Variants in INA observed in about 807,000 individuals in gnomAD.
INA encodes internexin neuronal intermediate filament protein alpha.
Under a neutral mutation model 40.1 loss-of-function variants are expected in INA, and 35 were observed. The observed-to-expected ratio is 0.87, with a 90% CI of 0.67 to 1.16. The LOEUF is 1.16. Ranked by LOEUF, INA falls within the 50% of genes most tolerant of loss-of-function variation. The probability of loss-of-function intolerance (pLI) is 0.00; values close to 1 mark genes in which losing one functional copy is unlikely to be tolerated. For synonymous variants in INA, 290 were observed against 316.9 expected, an observed-to-expected ratio of 0.92 and a Z score of 0.90; for missense variants, 594 against 686.7, an observed-to-expected ratio of 0.87 and a Z score of 1.51.
At position 103,289,370 on chromosome 10, in the gene INA, C is replaced by A. The variant is rs1316154048; in HGVS notation, c.*701C>A. 1 of 152,572 alleles carries A rather than the reference C, an allele frequency of 6.6e-6. No homozygotes were observed. Among genetic ancestry groups the A allele is most frequent in the Non-Finnish European group, 1.5e-5 (1 of 68,028 alleles). 9.5% of individuals were successfully genotyped at this position (152,572 alleles called of 1,614,324 possible). On this transcript the variant is annotated 3_prime_UTR_variant, in exon 3 of 3. Transcript: ENST00000369849. ...TATCCCTGCCCATTTCATATTCTTT[C>A]AATTCTGTAGGTTAAAAAAATGGCA...
At position 103,277,885 on chromosome 10, in the gene INA, C is replaced by A; in HGVS notation, c.674C>A (p.Ala225Asp). Residue 225 changes from alanine to aspartate, a missense_variant, in exon 1 of 3, where the codon GCC becomes GAC. Ala to Asp is a moderately radical substitution (Grantham distance 126). Transcript: ENST00000369849. The surrounding 1 kb of genome is among the most constrained non-coding windows in gnomAD (Gnocchi z 5.6). ...KKVESLLDELAFVRQVHDEEV... is the reference protein window; with the variant it reads ...KKVESLLDELDFVRQVHDEEV... ...GTGGAGTCGCTGCTGGACGAGCTGG[C>A]CTTCGTACGCCAGGTGCACGACGAG... The A allele has an allele frequency of 2.6e-6, 4 of 1,550,122 alleles. No individual in the cohort carries two copies. Among genetic ancestry groups the A allele is most frequent in the Non-Finnish European group, 3.5e-6 (4 of 1,146,862 alleles).
intron 1 of INA, among the ~76,000 whole-genome samples, chr10:103,282,842 T>C (rs2093075596): frequency 6.6e-6 from 1 of 152,166 alleles, no homozygotes; most frequent in Non-Finnish European, 1.5e-5. Flanking sequence ...GGGTTGGTAA[T>C]AGTGAGGGCT....
Position 103,278,671 on chromosome 10 carries a change from T to C in INA, c.1065+395T>C, listed in dbSNP as rs377115864. Among the ~76,000 whole-genome samples, 4 of 152,166 alleles carry C rather than the reference T, an allele frequency of 2.6e-5. No homozygotes were observed. In the East Asian group the frequency reaches 7.7e-4, roughly 29 times the overall value. ...GCTATCTGGCTTGTTTGGTTGACTT[T>C]GAAAAGCTTTCTGTGCGCCCTAGAA... On this transcript the variant is annotated intron_variant, in intron 1 of 2. Coordinates refer to ENST00000369849, the MANE Select transcript of INA (RefSeq NM_032727.4). The surrounding 1 kb of genome is among the most constrained non-coding windows in gnomAD (Gnocchi z 4.9).
intron 1 of INA, 23 bp from the exon 2 acceptor site, chr10:103,287,012 A>G: frequency 6.2e-7 from 1 of 1,611,988 alleles, no homozygotes; most frequent in Non-Finnish European, 8.5e-7. Context: ...TGGCCTAACT[A>G]TTTTGGATAT....
intron 1 of INA, among the ~76,000 whole-genome samples, chr10:103,279,007 G>C (rs1157148179): frequency 6.6e-6 from 1 of 151,956 alleles, no homozygotes; most frequent in African/African-American, 2.4e-5. Flanking sequence ...TGAAAGGTCG[G>C]GGCGCTGTCC....
rs2093065931 is a variant in INA, at chr10:103,278,418, CA to C, written c.1065+148del. On this transcript the variant is annotated intron_variant, in intron 1 of 2. Transcript: ENST00000369849. This position sits in a 1 kb window ranked among gnomAD's most constrained non-coding sequence, Gnocchi z 4.9. ...AGCCGCGGCTGGAGGCGCTGGTTAACAAAAAACCCTGGAGTCTTTAATGTTA... is the reference window on the plus strand; with the variant it reads ...AGCCGCGGCTGGAGGCGCTGGTTAACAAAAACCCTGGAGTCTTTAATGTTA... The C allele has an allele frequency of 4.5e-6, 3 of 666,012 alleles. No individual in the cohort carries two copies. The Admixed American group carries it at 8.9e-5, about 20-fold the overall frequency. 41.3% of individuals were successfully genotyped at this position (666,012 alleles called of 1,614,324 possible).
At chr10:103,283,470 A>G (rs1412255697) in intron 1 of INA, among the ~76,000 whole-genome samples, 2 of 152,214 alleles carry the variant, frequency 1.3e-5, no homozygotes, top group Non-Finnish European at 1.5e-5. Context: ...ATCACGGTCC[A>G]GTATAATACG....
chr10:103,277,602 C>T lies in INA; in HGVS notation c.391C>T (p.Gln131Ter). The change falls in exon 1 of 3, where the codon CAG (glutamine) becomes TAG (stop). Residue 131 changes from glutamine (Q) to a stop codon, truncating the protein, a stop_gained. Coordinates refer to ENST00000369849, the MANE Select transcript of INA (RefSeq NM_032727.4). LOFTEE classifies it high-confidence loss of function. This position sits in a 1 kb window ranked among gnomAD's most constrained non-coding sequence, Gnocchi z 5.6. Reference sequence around the variant, plus strand: ...GGAGGCCGAGCTGGCCGCGCTGCGACAGCGCCACGCTGAGCCGTCGCGCGT... The same window carrying T: ...GGAGGCCGAGCTGGCCGCGCTGCGATAGCGCCACGCTGAGCCGTCGCGCGT... ...ALEAELAALR[Q>*]RHAEPSRVGE... 1 of 1,545,796 alleles carries T rather than the reference C, an allele frequency of 6.5e-7. No individual in the cohort carries two copies.
rs139665456 is a variant in INA, at chr10:103,286,845, C to G, written c.1066-190C>G. On this transcript the variant is annotated intron_variant, in intron 1 of 2. Transcript: ENST00000369849. ...CCTGGGGACCTTTATGAAAAAAATG[C>G]AAATGCTGGGACCCCACCCCAGAAC... Among the ~76,000 whole-genome samples, 31 of 152,200 alleles carry G rather than the reference C, an allele frequency of 2.0e-4. 1 individual carries two copies. In the East Asian group the frequency reaches 6.0e-3, roughly 29 times the overall value.
At position 103,290,141 on chromosome 10, in the gene INA, G is replaced by C. The variant is rs191197463; in HGVS notation, c.*1472G>C. The C allele has an allele frequency of 6.6e-6, 1 of 152,616 alleles. No individual in the cohort carries two copies. Among genetic ancestry groups the C allele is most frequent in the South Asian group, 2.1e-4 (1 of 4,832 alleles). 9.5% of individuals were successfully genotyped at this position (152,616 alleles called of 1,614,324 possible). ...TCGGCCAGAGCTGAAGAGTTGCCCC[G>C]TCTCTGTTCCATGTCTCCTTTAAGA... On this transcript the variant is annotated 3_prime_UTR_variant, in exon 3 of 3. Transcript: ENST00000369849.
At chr10:103,284,900 G>A (rs1038928631) in intron 1 of INA, among the ~76,000 whole-genome samples, 1 of 152,168 alleles carries the variant, frequency 6.6e-6, no homozygotes, top group Non-Finnish European at 1.5e-5. Context: ...AAAATAAAGT[G>A]CTGGGTTGGT....
intron 1 of INA, among the ~76,000 whole-genome samples, chr10:103,279,791 T>G (rs1302208026): frequency 6.6e-6 from 1 of 152,234 alleles, no homozygotes; most frequent in Non-Finnish European, 1.5e-5. Flanking sequence ...TTGGACTGTT[T>G]AGGTTAGTTT....
At chr10:103,286,704 A>C (rs559142450) in intron 1 of INA, among the ~76,000 whole-genome samples, 64 of 152,198 alleles carry the variant, frequency 4.2e-4, no homozygotes, top group African/African-American at 1.5e-3. Context: ...TAAAAAAAAA[A>C]AAAATCATCT....
rs572573223 is a variant in INA at position 103,277,362 on chromosome 10, T to C, written c.151T>C (p.Ser51Pro). The C allele has an allele frequency of 2.4e-5, 38 of 1,571,076 alleles. 1 individual carries two copies. In the South Asian group the frequency reaches 3.9e-4, roughly 16 times the overall value. Residue 51 changes from serine (S) to proline (P), a missense_variant, in exon 1 of 3, where the codon TCG becomes CCG. By Grantham distance (74) the Ser-to-Pro change is moderately conservative (BLOSUM62 -1). Around this residue, in one of 2 missense-constraint regions of INA, gnomAD observed 215 missense variants for 190.6 expected, o/e 1.13. Coordinates refer to ENST00000369849, the MANE Select transcript of INA (RefSeq NM_032727.4). The surrounding 1 kb of genome is among the most constrained non-coding windows in gnomAD (Gnocchi z 5.6). ...GCTGTCCCGCAGCAATGTGGCCTCC[T>C]CGGCCGCCTGCTCCTCGGCCTCGTC... ...QSLSRSNVAS[S>P]AACSSASSLG...
In INA at chr10:103,288,662, A is replaced by G. The variant is rs768792474; in HGVS notation, c.1493A>G (p.Lys498Arg). Residue 498 changes from lysine (K) to arginine (R), a missense_variant, in exon 3 of 3, where the codon AAA (lysine) becomes AGA (arginine). By Grantham distance (26) the Lys-to-Arg change is conservative (BLOSUM62 2). Around this residue, in one of 2 missense-constraint regions of INA, gnomAD observed 379 missense variants for 496.1 expected, o/e 0.76. Coordinates refer to ENST00000369849, the MANE Select transcript of INA (RefSeq NM_032727.4). ...GAAGAAACCACCATTTCAAGCCAAAAAATATAATTCCATTGCTTTGAAAAA... is the reference window on the plus strand; with the variant it reads ...GAAGAAACCACCATTTCAAGCCAAAGAATATAATTCCATTGCTTTGAAAAA... ...NIEETTISSQ[K>R]I The G allele has an allele frequency of 1.3e-6, 2 of 1,564,918 alleles. No individual in the cohort carries two copies. Among genetic ancestry groups the G allele is most frequent in the Admixed American group, 4.0e-5 (2 of 50,084 alleles).
chr10:103,282,242 C>G (rs140602408), intron 1 of INA, among the ~76,000 whole-genome samples: 177 of 152,302 alleles, frequency 1.2e-3, no homozygotes, highest in Middle Eastern at 3.4e-3. Flanking sequence ...AGCTCCCCAA[C>G]CACCTCTTAT....
chr10:103,280,380 G>T (rs528198511), intron 1 of INA: 2 of 985,360 alleles, frequency 2.0e-6, no homozygotes, highest in African/African-American at 3.5e-5. Context: ...ATGCCACAAG[G>T]GTGTCTCTGA....
At chr10:103,280,277 G>T in intron 1 of INA, 1 of 985,454 alleles carries the variant, frequency 1.0e-6, no homozygotes, top group Non-Finnish European at 1.2e-6. Context: ...GGGAGTGGAA[G>T]AGGAGGTCAG....
Position 103,277,886 on chromosome 10 carries a change from C to T in INA, c.675C>T (p.Ala225=), listed in dbSNP as rs1277239263. 1.3e-6 allele frequency: 2 copies of T among 1,550,242 alleles called. No homozygotes were observed. Residue 225 remains alanine, a synonymous_variant, in exon 1 of 3, where the codon GCC becomes GCT. Coordinates refer to ENST00000369849, the MANE Select transcript of INA (RefSeq NM_032727.4). This position sits in a 1 kb window ranked among gnomAD's most constrained non-coding sequence, Gnocchi z 5.6. Reference sequence around the variant, plus strand: ...TGGAGTCGCTGCTGGACGAGCTGGCCTTCGTACGCCAGGTGCACGACGAGG... The same window carrying T: ...TGGAGTCGCTGCTGGACGAGCTGGCTTTCGTACGCCAGGTGCACGACGAGG... The part of the protein sequence containing the change: ...KKVESLLDEL[A]FVRQVHDEEV...
Sources: allele counts gnomAD v4.1 joint callset (sites outside exome capture counted in the v4.1 genomes callset), GRCh38; gene constraint gnomAD v4.1.1; regional missense constraint gnomAD v4.1.1; non-coding constraint Gnocchi (gnomAD v3.1); transcripts MANE v1.5; gene names NCBI Gene and HGNC (gene_info 2026-07-23, HGNC 2026-07-21).